The following GTF2E2 variants were observed in gnomAD, a reference collection of about 807,000 sequenced individuals.
The protein encoded by GTF2E2 is transcription initiation factor IIE subunit beta.
Under a neutral mutation model 40.5 loss-of-function variants are expected in GTF2E2, and 21 were observed. That is an observed-to-expected ratio of 0.52 (90% CI 0.37 to 0.75). The LOEUF (loss-of-function observed/expected upper bound fraction) is 0.75, where lower values mean the gene tolerates loss of function less well. GTF2E2 is among the 30% of genes least tolerant of loss of function. The pLI is 0.00. For synonymous variants in GTF2E2, 117 were observed against 121.6 expected, an observed-to-expected ratio of 0.96 and a Z score of 0.25; for missense variants, 298 against 338.4, an observed-to-expected ratio of 0.88 and a Z score of 0.94.
intron 6 of GTF2E2, among the ~76,000 whole-genome samples, chr8:30,596,348 G>T (rs1348473012): frequency 6.6e-6 from 1 of 152,094 alleles, no homozygotes; most frequent in Non-Finnish European, 1.5e-5. Context: ...CTGTATTCAA[G>T]TTCACAGACT....
intron 3 of GTF2E2, among the ~76,000 whole-genome samples, chr8:30,634,192 A>G (rs1370186726): frequency 6.6e-6 from 1 of 152,222 alleles, no homozygotes; most frequent in East Asian, 1.9e-4. Flanking sequence ...TCATGCCTGA[A>G]AGCCAAACAC....
chr8:30,605,247 C>A (rs10104411), intron 6 of GTF2E2, among the ~76,000 whole-genome samples: 5,909 of 152,026 alleles, frequency 0.039, 397 homozygotes, highest in African/African-American at 0.14. Flanking sequence ...TTGTTGAAGG[C>A]ATCAAAGTAA....
At chr8:30,606,712 T>C (rs1369658718) in intron 6 of GTF2E2, among the ~76,000 whole-genome samples, 1 of 152,178 alleles carries the variant, frequency 6.6e-6, no homozygotes, top group Non-Finnish European at 1.5e-5. Flanking sequence ...AGTTTATTCT[T>C]TTTCCCATCC....
intron 3 of GTF2E2, among the ~76,000 whole-genome samples, chr8:30,626,361 T>C (rs1209997252): frequency 2.0e-5 from 3 of 152,174 alleles, no homozygotes; most frequent in African/African-American, 7.2e-5. Context: ...GGCACACGCC[T>C]GTAGTCCCAG....
At chr8:30,640,115 T>C (rs534762863) in intron 2 of GTF2E2, among the ~76,000 whole-genome samples, 1 of 152,312 alleles carries the variant, frequency 6.6e-6, no homozygotes, top group South Asian at 2.1e-4. Flanking sequence ...TTAGCACAGA[T>C]GGAGGCTCAT....
At chr8:30,592,525 G>T (rs1331082250) in intron 6 of GTF2E2, among the ~76,000 whole-genome samples, 1 of 152,094 alleles carries the variant, frequency 6.6e-6, no homozygotes, top group Non-Finnish European at 1.5e-5. Flanking sequence ...TTGGTTCCAG[G>T]ACTCATACAG....
chr8:30,635,099 A>C lies in GTF2E2; in HGVS notation c.191T>G (p.Leu64Trp). 1 of 1,604,794 alleles carries C rather than the reference A, an allele frequency of 6.2e-7. No homozygotes were observed. The highest frequency in any genetic ancestry group is 8.5e-7 in the Non-Finnish European group (1 of 1,172,248). ...TCCAGAGCTTCCTGACAAAGCTTTC[A>C]AGTTAAATGATCCATTGCTATGATC... ...NSDHSNGSFN[L>W]KALSGSSGYK... The change falls in exon 3 of 8, where the codon TTG becomes TGG. Residue 64 changes from leucine to tryptophan, a missense_variant. Coordinates refer to ENST00000355904, the MANE Select transcript of GTF2E2 (RefSeq NM_002095.6).
intron 2 of GTF2E2, among the ~76,000 whole-genome samples, chr8:30,635,463 C>A (rs967132840): frequency 6.6e-6 from 1 of 152,072 alleles, no homozygotes; most frequent in Non-Finnish European, 1.5e-5. Flanking sequence ...GCTCACTACA[C>A]CCTCAACTTC....
chr8:30,618,319 G>A (rs1363329280), intron 3 of GTF2E2, among the ~76,000 whole-genome samples: 1 of 151,986 alleles, frequency 6.6e-6, no homozygotes, highest in Non-Finnish European at 1.5e-5. Flanking sequence ...TACTAATAGT[G>A]AATATGTGGA....
At chr8:30,587,690 T>C (rs1016111560) in intron 6 of GTF2E2, among the ~76,000 whole-genome samples, 10 of 151,810 alleles carry the variant, frequency 6.6e-5, no homozygotes, top group African/African-American at 2.2e-4. Flanking sequence ...CTGGCCACCA[T>C]GGCAAAACCC....
At chr8:30,628,042 TG>T (rs1801336777) in intron 3 of GTF2E2, among the ~76,000 whole-genome samples, 1 of 152,252 alleles carries the variant, frequency 6.6e-6, no homozygotes. Context: ...TAATGCTGTT[TG>T]GGCTTGAAAG....
chr8:30,588,802 T>C (rs944575228), intron 6 of GTF2E2, among the ~76,000 whole-genome samples: 2 of 152,142 alleles, frequency 1.3e-5, no homozygotes, highest in Non-Finnish European at 2.9e-5. Context: ...TTCCCATGAG[T>C]ATCCAGAAGT....
intron 6 of GTF2E2, among the ~76,000 whole-genome samples, chr8:30,580,804 G>A (rs878986692): frequency 2.0e-5 from 3 of 151,794 alleles, no homozygotes; most frequent in Admixed American, 6.6e-5. Context: ...GACGGGAACC[G>A]AAGTTTCACA....
chr8:30,634,399 G>T (rs143777289), intron 3 of GTF2E2, among the ~76,000 whole-genome samples: 4 of 151,894 alleles, frequency 2.6e-5, no homozygotes, highest in Admixed American at 2.6e-4. Flanking sequence ...AGTGAGCTAC[G>T]ATCGTGCCAC....
chr8:30,627,053 T>C (rs368897556), intron 3 of GTF2E2, among the ~76,000 whole-genome samples: 11 of 152,304 alleles, frequency 7.2e-5, no homozygotes, highest in African/African-American at 2.4e-4. Context: ...ACACCACTGA[T>C]GGGAACCTAA....
In GTF2E2 at chr8:30,580,335, T is replaced by C. The variant is rs1206842474; in HGVS notation, c.705A>G (p.Glu235=). 6.2e-7 allele frequency: 1 copy of C among 1,611,532 alleles called. No individual in the cohort carries two copies. The highest frequency in any genetic ancestry group is 1.7e-5 in the Admixed American group (1 of 60,036). ...AAGAAATACCCTGTCGCTTCAGATA[T>C]TCTTCAATTTTCTCCTCGTCCATGG... ...VDSMDEEKIE[E]YLKRQGISSM... Residue 235 remains glutamate (E), a synonymous_variant, in exon 7 of 8, where the codon GAA becomes GAG. Coordinates refer to ENST00000355904, the MANE Select transcript of GTF2E2 (RefSeq NM_002095.6).
At chr8:30,655,712 A>C (rs777812407) in intron 1 of GTF2E2, among the ~76,000 whole-genome samples, 2 of 152,252 alleles carry the variant, frequency 1.3e-5, no homozygotes, top group Admixed American at 6.5e-5. Flanking sequence ...AATTTTAAAT[A>C]TAAGCATTGA....
At chr8:30,645,207 A>C (rs1802022208) in intron 2 of GTF2E2, 1 of 1,244,902 alleles carries the variant, frequency 8.0e-7, no homozygotes, top group South Asian at 1.6e-5. Flanking sequence ...ATTTACTAAG[A>C]AATCTTAGTA....
At chr8:30,618,269 C>CCT (rs3837155) in intron 3 of GTF2E2, among the ~76,000 whole-genome samples, 6 of 145,948 alleles carry the variant, frequency 4.1e-5, no homozygotes, top group African/African-American at 1.5e-4. Flanking sequence ...TGCACTCCAG[C>CCT]GCAACACTCT....
Sources: allele counts gnomAD v4.1 joint callset (sites outside exome capture counted in the v4.1 genomes callset), GRCh38; gene constraint gnomAD v4.1.1; transcripts MANE v1.5; gene names NCBI Gene and HGNC (gene_info 2026-07-23, HGNC 2026-07-21).